MYO3B: variants seen among roughly 807,000 people sequenced by gnomAD.
MYO3B encodes myosin IIIB, also known as myosin-IIIb.
MYO3B carries 156 observed loss-of-function variants against 174.6 expected under a neutral mutation model. That is an observed-to-expected ratio of 0.89 (90% CI 0.78 to 1.02). The LOEUF (loss-of-function observed/expected upper bound fraction) is 1.02. MYO3B is among the 50% of genes least tolerant of loss of function. MYO3B has a pLI of 0.00. For synonymous variants in MYO3B, 563 were observed against 569.1 expected, an observed-to-expected ratio of 0.99 and a Z score of 0.15; for missense variants, 1,632 against 1,639.4, an observed-to-expected ratio of 1.00 and a Z score of 0.08.
At chr2:170,185,212 C>T (rs1165045467) in intron 1 of MYO3B, among the ~76,000 whole-genome samples, 1 of 152,144 alleles carries the variant, frequency 6.6e-6, no homozygotes. Context: ...GCTGTGGCTG[C>T]CTGTGCCTGT....
chr2:170,405,030 G>A (rs2094501668), intron 20 of MYO3B, among the ~76,000 whole-genome samples: 1 of 152,142 alleles, frequency 6.6e-6, no homozygotes, highest in Non-Finnish European at 1.5e-5. Flanking sequence ...GTCTTTATGT[G>A]CCTTTAGTGC....
At chr2:170,513,723 T>C (rs1219279516) in intron 28 of MYO3B, among the ~76,000 whole-genome samples, 1 of 152,180 alleles carries the variant, frequency 6.6e-6, no homozygotes, top group Admixed American at 6.5e-5. Flanking sequence ...TGTGAGCTCC[T>C]TGGAGGAAGG....
At chr2:170,587,609 G>T (rs1693566743) in intron 32 of MYO3B, among the ~76,000 whole-genome samples, 1 of 152,176 alleles carries the variant, frequency 6.6e-6, no homozygotes, top group Non-Finnish European at 1.5e-5. Context: ...TCACAAAAAT[G>T]CAAGAAGGGT....
At chr2:170,243,726 TAGCTGAA>T (rs1390907231) in intron 7 of MYO3B, among the ~76,000 whole-genome samples, 1 of 152,224 alleles carries the variant, frequency 6.6e-6, no homozygotes, top group African/African-American at 2.4e-5. Context: ...CTTTCCCTTG[TAGCTGAA>T]GAATTGAAAG....
chr2:170,277,147 G>T (rs1001768148), intron 7 of MYO3B, among the ~76,000 whole-genome samples: 2 of 152,210 alleles, frequency 1.3e-5, no homozygotes, highest in African/African-American at 4.8e-5. Context: ...TCTGTTTGCT[G>T]TTGGTCAAAT....
chr2:170,549,696 G>A (rs1690755036), intron 32 of MYO3B, among the ~76,000 whole-genome samples: 1 of 152,042 alleles, frequency 6.6e-6, no homozygotes, highest in Non-Finnish European at 1.5e-5. Flanking sequence ...CCAAAATGTG[G>A]GATTTTCAGT....
intron 7 of MYO3B, among the ~76,000 whole-genome samples, chr2:170,241,818 A>G (rs904972296): frequency 6.6e-6 from 1 of 151,904 alleles, no homozygotes; most frequent in Non-Finnish European, 1.5e-5. Context: ...TTTATCTTAC[A>G]TAGGCATTTT....
intron 25 of MYO3B, among the ~76,000 whole-genome samples, chr2:170,482,968 A>C (rs943581271): frequency 1.3e-5 from 2 of 152,266 alleles, no homozygotes; most frequent in African/African-American, 2.4e-5. Context: ...CCCAAAACTA[A>C]TTGTTTTAAG....
At chr2:170,439,754 C>A (rs1016094056) in intron 22 of MYO3B, among the ~76,000 whole-genome samples, 2 of 152,164 alleles carry the variant, frequency 1.3e-5, no homozygotes, top group African/African-American at 4.8e-5. Flanking sequence ...TATCCCTGTT[C>A]ACTGCAAGCT....
intron 32 of MYO3B, among the ~76,000 whole-genome samples, chr2:170,628,894 A>G (rs1195345321): frequency 1.3e-5 from 2 of 152,168 alleles, no homozygotes; most frequent in Non-Finnish European, 2.9e-5. Flanking sequence ...CAGGAACCCT[A>G]TAACTCTGAT....
intron 32 of MYO3B, among the ~76,000 whole-genome samples, chr2:170,634,698 G>A (rs1486595338): frequency 6.6e-6 from 1 of 152,286 alleles, no homozygotes; most frequent in East Asian, 1.9e-4. Flanking sequence ...CAGAATGGGA[G>A]GAAATTTTTG....
rs535304753 is a variant in MYO3B at position 170,524,306 on chromosome 2, G to A, written c.3575+4766G>A. Among the ~76,000 whole-genome samples, 32 of 152,244 alleles carry A rather than the reference G, an allele frequency of 2.1e-4. No homozygotes were observed. In the South Asian group the frequency reaches 6.2e-3, roughly 30 times the overall value. The stretch of plus-strand genomic sequence containing the variant: ...TTATCTCAGAGACCAGTGCTGGATT[G>A]GTTTCAGATCTACCTACACCTGCCC... On this transcript the variant is annotated intron_variant, in intron 30 of 34. Transcript: ENST00000408978.
chr2:170,287,959 C>T (rs2093568831), intron 7 of MYO3B, among the ~76,000 whole-genome samples: 1 of 152,060 alleles, frequency 6.6e-6, no homozygotes, highest in Non-Finnish European at 1.5e-5. Context: ...CCTGTTTTCC[C>T]TGCACCATTT....
intron 7 of MYO3B, among the ~76,000 whole-genome samples, chr2:170,285,120 C>T (rs67306628): frequency 3.9e-5 from 6 of 152,076 alleles, no homozygotes; most frequent in Admixed American, 2.0e-4. Flanking sequence ...TATGTTCTTA[C>T]TGATGGGTGG....
intron 16 of MYO3B, among the ~76,000 whole-genome samples, chr2:170,394,388 G>A (rs183668426): frequency 4.2e-4 from 64 of 152,188 alleles, no homozygotes; most frequent in African/African-American, 1.2e-3. Context: ...GATAAACAAC[G>A]TTGAAAACTG....
At chr2:170,574,721 G>T (rs193208447) in intron 32 of MYO3B, among the ~76,000 whole-genome samples, 109 of 152,276 alleles carry the variant, frequency 7.2e-4, no homozygotes, top group African/African-American at 2.6e-3. Context: ...TAGAATCAGG[G>T]TAATAATTAT....
chr2:170,618,122 T>C (rs1026864648), intron 32 of MYO3B, among the ~76,000 whole-genome samples: 1 of 152,176 alleles, frequency 6.6e-6, no homozygotes, highest in East Asian at 1.9e-4. Flanking sequence ...GAAAGGTGGA[T>C]ACCTAAAACC....
chr2:170,565,930 A>G (rs1236955221), intron 32 of MYO3B, among the ~76,000 whole-genome samples: 1 of 152,192 alleles, frequency 6.6e-6, no homozygotes, highest in Non-Finnish European at 1.5e-5. Context: ...CCCTACTGAG[A>G]GAGGAGGGTG....
chr2:170,217,382 G>T lies in MYO3B; in HGVS notation c.590G>T (p.Trp197Leu). The change falls in exon 6 of 35, where the codon TGG (tryptophan) becomes TTG (leucine). Residue 197 changes from tryptophan to leucine, a missense_variant. Transcript: ENST00000408978. ...AACACATCTGTTGGCACCCCGTTCT[G>T]GATGGCCCCTGAGGTAAGCTGGAAA... ...RRNTSVGTPF[W>L]MAPEVIACEQ... 4.3e-6 allele frequency: 7 copies of T among 1,613,942 alleles called. No individual in the cohort carries two copies. The highest frequency in any genetic ancestry group is 5.9e-6 in the Non-Finnish European group (7 of 1,179,844).
Sources: allele counts gnomAD v4.1 joint callset (sites outside exome capture counted in the v4.1 genomes callset), GRCh38; gene constraint gnomAD v4.1.1; transcripts MANE v1.5; gene names NCBI Gene and HGNC (gene_info 2026-07-23, HGNC 2026-07-21).